The following CNTN3 variants were observed in gnomAD, a reference collection of about 807,000 sequenced individuals.
CNTN3 encodes contactin 3, also known as contactin-3.
CNTN3 carries 60 observed loss-of-function variants against 119.1 expected under a neutral mutation model. That is an observed-to-expected ratio of 0.50 (90% CI 0.41 to 0.62). CNTN3 has a LOEUF of 0.62. Among genes scored for constraint, CNTN3 ranks in the 20% least tolerant of loss-of-function variants. The pLI is 0.00. For missense variants in CNTN3, 1,101 were observed against 1,242.4 expected (o/e 0.89, Z 1.71); for synonymous variants, 450 against 438.7 (o/e 1.03, Z -0.32).
intron 1 of CNTN3, among the ~76,000 whole-genome samples, chr3:74,544,976 C>T (rs1221016638): frequency 6.6e-6 from 1 of 152,014 alleles, no homozygotes; most frequent in Non-Finnish European, 1.5e-5. Flanking sequence ...ATAAGCCATC[C>T]CCCAAAACAT....
At chr3:74,297,928 G>C in intron 18 of CNTN3, 29 bp downstream of exon 18, 1 of 1,506,146 alleles carries the variant, frequency 6.6e-7, no homozygotes, top group Non-Finnish European at 9.2e-7. Flanking sequence ...TTATTAGGCG[G>C]AACTGATATA....
chr3:74,319,647 A>G (rs980595908), intron 13 of CNTN3, among the ~76,000 whole-genome samples: 5 of 151,864 alleles, frequency 3.3e-5, no homozygotes, highest in Admixed American at 6.6e-5. Flanking sequence ...AATGGCAACA[A>G]AAGCCAAAAT....
chr3:74,404,988 A>C (rs1422734392), intron 5 of CNTN3, among the ~76,000 whole-genome samples: 1 of 151,982 alleles, frequency 6.6e-6, no homozygotes, highest in Non-Finnish European at 1.5e-5. Context: ...ATAGACCAAA[A>C]TGAAAAGAAA....
intron 4 of CNTN3, among the ~76,000 whole-genome samples, chr3:74,451,338 A>T (rs535612720): frequency 0.011 from 1,601 of 151,910 alleles, 20 homozygotes; most frequent in Middle Eastern, 0.045. Flanking sequence ...GTTCATGTCC[A>T]TTGCCCCCTT....
chr3:74,438,163 G>A (rs1701903286), intron 4 of CNTN3, among the ~76,000 whole-genome samples: 1 of 152,086 alleles, frequency 6.6e-6, no homozygotes, highest in African/African-American at 2.4e-5. Context: ...TCTTAATTAT[G>A]TACTCAAACA....
At chr3:74,566,645 A>T (rs947310180) in intron 1 of CNTN3, among the ~76,000 whole-genome samples, 1 of 152,110 alleles carries the variant, frequency 6.6e-6, no homozygotes. Context: ...GACACCAGTC[A>T]TTGGGTGTAG....
At chr3:74,377,321 T>C (rs1704502857) in intron 5 of CNTN3, among the ~76,000 whole-genome samples, 1 of 152,132 alleles carries the variant, frequency 6.6e-6, no homozygotes, top group African/African-American at 2.4e-5. Flanking sequence ...ATATATATCA[T>C]TCTGACTGAA....
chr3:74,563,311 C>A lies in CNTN3; in HGVS notation c.-80-42119G>T, dbSNP rs558168978. ...ACATTAGCTCTTCGCATTGTGGAAG[C>A]TAAAACACAGACAAAAAAGCTTACA... On this transcript the variant is annotated intron_variant, in intron 1 of 22. Transcript: ENST00000263665. 1.4e-4 allele frequency among the ~76,000 whole-genome samples: 21 copies of A among 152,208 alleles called. No individual in the cohort carries two copies. In the East Asian group the frequency reaches 4.1e-3, roughly 29 times the overall value.
At chr3:74,614,176 C>T (rs1705129909) in intron 1 of CNTN3, among the ~76,000 whole-genome samples, 2 of 152,214 alleles carry the variant, frequency 1.3e-5, no homozygotes, top group Non-Finnish European at 2.9e-5. Flanking sequence ...GCCTTCCCAA[C>T]CCGAAACCAA....
chr3:74,497,843 A>C (rs1470118887), intron 3 of CNTN3, among the ~76,000 whole-genome samples: 4 of 151,878 alleles, frequency 2.6e-5, no homozygotes, highest in Non-Finnish European at 5.9e-5. Flanking sequence ...AAACTTCTTT[A>C]TCAACATTTT....
At chr3:74,275,659 G>C (rs989323174) in intron 20 of CNTN3, among the ~76,000 whole-genome samples, 3 of 151,762 alleles carry the variant, frequency 2.0e-5, no homozygotes, top group African/African-American at 4.8e-5. Context: ...CATCAAAACA[G>C]AACCTCTTTA....
At chr3:74,458,959 AT>A (rs1209017976) in intron 4 of CNTN3, among the ~76,000 whole-genome samples, 1 of 152,044 alleles carries the variant, frequency 6.6e-6, no homozygotes, top group Non-Finnish European at 1.5e-5. Context: ...CCAACTGCAG[AT>A]TCTTAGTCTC....
intron 1 of CNTN3, among the ~76,000 whole-genome samples, chr3:74,541,589 A>G (rs1253172559): frequency 6.6e-6 from 1 of 152,210 alleles, no homozygotes; most frequent in African/African-American, 2.4e-5. Context: ...GCAAGAAAAT[A>G]ATAAATGTAA....
rs1410959079 is a variant in CNTN3 at position 74,418,349 on chromosome 3, T to TTTTTTTTTTTTC, written c.454+6495_454+6496insGAAAAAAAAAAA. On this transcript the variant is annotated intron_variant, in intron 5 of 22. Transcript: ENST00000263665. ...ACTGCAGAAAACATATTCCTTTTTT[T>TTTTTTTTTTTTC]TTTTTTTTTTGAGTCAGAGTCTCAC... 1.6e-3 allele frequency among the ~76,000 whole-genome samples: 229 copies of TTTTTTTTTTTTC among 140,490 alleles called. 1 individual carries two copies. The highest frequency in any genetic ancestry group is 5.9e-3 in the African/African-American group (219 of 37,272). The allele number at this position is 140,490 out of a possible 152,430, so 92.2% of individuals were successfully genotyped here.
At chr3:74,400,465 A>C (rs1461334340) in intron 5 of CNTN3, among the ~76,000 whole-genome samples, 1 of 152,172 alleles carries the variant, frequency 6.6e-6, no homozygotes, top group East Asian at 1.9e-4. Flanking sequence ...CTGCAAAATA[A>C]TAATCCTTTG....
At chr3:74,455,636 T>C (rs1702253768) in intron 4 of CNTN3, among the ~76,000 whole-genome samples, 5 of 152,108 alleles carry the variant, frequency 3.3e-5, no homozygotes, top group Admixed American at 3.3e-4. Flanking sequence ...TGGTTTTATC[T>C]ACTTTTGGTC....
intron 5 of CNTN3, among the ~76,000 whole-genome samples, chr3:74,384,209 A>G (rs1054928752): frequency 6.6e-6 from 1 of 152,252 alleles, no homozygotes; most frequent in African/African-American, 2.4e-5. Flanking sequence ...GTCCCCTGAC[A>G]TTTTTTAGTT....
At chr3:74,529,044 T>C (rs1434100157) in intron 1 of CNTN3, among the ~76,000 whole-genome samples, 2 of 151,924 alleles carry the variant, frequency 1.3e-5, no homozygotes, top group Non-Finnish European at 2.9e-5. Flanking sequence ...ATAGTATATA[T>C]ATATACAGCA....
At chr3:74,379,324 T>G (rs1335815063) in intron 5 of CNTN3, among the ~76,000 whole-genome samples, 1 of 152,060 alleles carries the variant, frequency 6.6e-6, no homozygotes, top group Non-Finnish European at 1.5e-5. Flanking sequence ...TCTGGCTAAT[T>G]TTTGTATTTT....
Sources: gnomAD v4.1 joint callset for allele counts (sites outside exome capture counted in the v4.1 genomes callset) on GRCh38, gnomAD v4.1.1 for gene constraint, MANE v1.5 for transcripts, NCBI Gene and HGNC (gene_info 2026-07-23, HGNC 2026-07-21) for gene names.